The following SRGAP3 variants were observed in gnomAD, a reference collection of about 807,000 sequenced individuals.
The protein encoded by SRGAP3 is SLIT-ROBO Rho GTPase-activating protein 3.
A neutral mutation model predicts 121.1 loss-of-function variants in SRGAP3; 39 were observed. The ratio of observed to expected loss-of-function variants is 0.32; its 90% CI spans 0.25 to 0.42. SRGAP3 has a LOEUF of 0.42. SRGAP3 is among the 10% of genes least tolerant of loss of function. The pLI is 1.00. For synonymous variants in SRGAP3, 601 were observed against 570.0 expected, an observed-to-expected ratio of 1.05 and a Z score of -0.77; for missense variants, 1,213 against 1,470.6, an observed-to-expected ratio of 0.82 and a Z score of 2.86.
chr3:9,124,981 CT>C, intron 1 of SRGAP3, 64 bp from the exon 2 acceptor site: 1 of 1,587,060 alleles, frequency 6.3e-7, no homozygotes, highest in Non-Finnish European at 8.6e-7. Flanking sequence ...GGGGCCCGCT[CT>C]GCTGCTGGCC....
rs563414214 is a variant in SRGAP3 at position 8,999,761 on chromosome 3, G to A, written c.2228-5238C>T. Among the ~76,000 whole-genome samples the A allele has an allele frequency of 1.1e-4, 16 of 152,178 alleles. No individual in the cohort carries two copies. The South Asian group carries it at 2.5e-3, about 24-fold the overall frequency. On this transcript the variant is annotated intron_variant, in intron 18 of 21. Transcript: ENST00000383836. ...GACCTTGGGTTCTTTCTTTGCATTC[G>A]GTGGTGGCACCAGCTGATATTGAGA...
rs763242430 is a variant in SRGAP3, at chr3:9,026,939, T to C, written c.1596A>G (p.Leu532=). ...VVESCIRYIN[L]YGLQQQGIFR... is the part of the protein sequence containing the mutation. Reference sequence around the variant, plus strand: ...CTGGCCCAAGATCCAGCTTACCATATAAATTGATGTAACGGATGCAGCTCT... The same window carrying C: ...CTGGCCCAAGATCCAGCTTACCATACAAATTGATGTAACGGATGCAGCTCT... The change falls in exon 13 of 22, where the codon TTA becomes TTG. Residue 532 remains leucine (L), a synonymous_variant. Transcript: ENST00000383836. The C allele has an allele frequency of 5.0e-6, 8 of 1,614,080 alleles. No homozygotes were observed. The highest frequency in any genetic ancestry group is 6.8e-6 in the Non-Finnish European group (8 of 1,180,032).
rs749537418 is a variant in SRGAP3, at chr3:9,104,670, A to G, written c.423+10T>C. 6.2e-7 allele frequency: 1 copy of G among 1,613,962 alleles called. No individual in the cohort carries two copies. The highest frequency in any genetic ancestry group is 1.3e-5 in the African/African-American group (1 of 74,938). ...AGACCTGGGACACGTAGAGCAGCCCACTTGCCTACCTTTTTGAAGAGTCTG... is the reference window on the plus strand; with the variant it reads ...AGACCTGGGACACGTAGAGCAGCCCGCTTGCCTACCTTTTTGAAGAGTCTG... On this transcript the variant is annotated intron_variant, in intron 3 of 21. Coordinates refer to ENST00000383836, the MANE Select transcript of SRGAP3 (RefSeq NM_014850.4).
chr3:9,265,295 A>C (rs1380638890), intron 3 of SRGAP3, among the ~76,000 whole-genome samples: 1 of 152,240 alleles, frequency 6.6e-6, no homozygotes, highest in Non-Finnish European at 1.5e-5. Context: ...AGGCAATACT[A>C]TTCAGGACAT....
chr3:9,038,152 A>T, intron 10 of SRGAP3, 62 bp from the exon 11 acceptor site: 4 of 1,606,194 alleles, frequency 2.5e-6, no homozygotes, highest in Non-Finnish European at 3.4e-6. Flanking sequence ...AAGAACATTC[A>T]TCTTTTTCTA....
chr3:9,158,562 A>G (rs960298822), intron 1 of SRGAP3, among the ~76,000 whole-genome samples: 1 of 152,204 alleles, frequency 6.6e-6, no homozygotes, highest in Admixed American at 6.5e-5. Context: ...CCCATGTTCC[A>G]GGTGGGAAAT....
chr3:9,332,057 G>T (rs1440665870), intron 1 of SRGAP3, among the ~76,000 whole-genome samples: 1 of 152,072 alleles, frequency 6.6e-6, no homozygotes, highest in African/African-American at 2.4e-5. Context: ...GCCTATGCTG[G>T]GCCAATGCTA....
chr3:9,052,511 G>A (rs546273760), intron 9 of SRGAP3, among the ~76,000 whole-genome samples: 4 of 152,088 alleles, frequency 2.6e-5, no homozygotes, highest in Non-Finnish European at 5.9e-5. Context: ...AACACATGTT[G>A]AACTAAAGCC....
rs1446255065 is a variant in SRGAP3 at position 9,260,548 on chromosome 3, CGG to C, written n.442+65460_442+65461del. Among the ~76,000 whole-genome samples the C allele has an allele frequency of 7.2e-5, 11 of 152,350 alleles. No individual in the cohort carries two copies. The East Asian group carries it at 1.9e-3, about 27-fold the overall frequency. ...AAGCCACTGGGAAGTTCAAACGATG[CGG>C]AACCCACTGCGGCGTGGCATCGCCA... On this transcript the variant is annotated intron_variant and non_coding_transcript_variant, in intron 3 of 3. Transcript: ENST00000490889.
Position 9,354,665 on chromosome 3 carries a change from G to C in SRGAP3, n.214+8175C>G, listed in dbSNP as rs927438942. 6.6e-5 allele frequency among the ~76,000 whole-genome samples: 9 copies of C among 135,786 alleles called. No homozygotes were observed. In the Admixed American group the frequency reaches 7.4e-4, roughly 11 times the overall value. The allele number at this position is 135,786 out of a possible 152,430, so 89.1% of individuals were successfully genotyped here. A position where few individuals can be genotyped will look rare whatever the true frequency, so the allele number is the denominator to read the frequency against. On this transcript the variant is annotated intron_variant and non_coding_transcript_variant, in intron 1 of 3. Coordinates refer to the SRGAP3 transcript ENST00000490889. ...CCACTGCACTCCAGCCGGGGTGACA[G>C]AGCGAGACTCCATCTCAAAAAAAAA...
intron 3 of SRGAP3, among the ~76,000 whole-genome samples, chr3:9,289,445 G>T (rs1486522054): frequency 6.6e-6 from 1 of 152,134 alleles, no homozygotes; most frequent in African/African-American, 2.4e-5. Context: ...GAAAAGACAA[G>T]TTCTTCTATG....
At chr3:9,060,863 A>C (rs1575002194) in intron 5 of SRGAP3, among the ~76,000 whole-genome samples, 1 of 151,874 alleles carries the variant, frequency 6.6e-6, no homozygotes. Context: ...CTCCCCTTAC[A>C]CCTGCACCTT....
chr3:8,990,954 A>G (rs1333668306), intron 20 of SRGAP3, 115 bp from the exon 21 acceptor site: 2 of 922,818 alleles, frequency 2.2e-6, no homozygotes, highest in African/African-American at 3.3e-5. Context: ...GAGCGGGTAC[A>G]GTAAAGCCTC....
rs36036357 is a variant in SRGAP3, at chr3:9,362,162, C to CTT, written n.214+676_214+677dup. Among the ~76,000 whole-genome samples, 111 of 90,958 alleles carry CTT rather than the reference C, an allele frequency of 1.2e-3. 6 individuals are homozygous for CTT. The highest frequency in any genetic ancestry group is 2.3e-3 in the African/African-American group (49 of 21,022). 59.7% of individuals were successfully genotyped at this position (90,958 alleles called of 152,430 possible). A position where few individuals can be genotyped will look rare whatever the true frequency, so the allele number is the denominator to read the frequency against. On this transcript the variant is annotated intron_variant and non_coding_transcript_variant, in intron 1 of 3. Transcript: ENST00000490889. ...AAATGGCTACCATGCAGGTTCAACT[C>CTT]TTTTTTTTTTTTTTTTTTTTTTTTT... is the stretch of plus-strand genomic sequence containing the variant.
chr3:9,313,550 A>T (rs1468060275), intron 3 of SRGAP3, among the ~76,000 whole-genome samples: 1 of 151,078 alleles, frequency 6.6e-6, no homozygotes, highest in Non-Finnish European at 1.5e-5. Flanking sequence ...AATCAGCCAC[A>T]CCTGTAATCC....
chr3:9,008,675 T>C (rs1943208091), intron 18 of SRGAP3, among the ~76,000 whole-genome samples: 1 of 152,170 alleles, frequency 6.6e-6, no homozygotes. Context: ...ACAAAGCCTC[T>C]GCAGGACACA....
intron 1 of SRGAP3, among the ~76,000 whole-genome samples, chr3:9,234,591 C>T (rs1327387185): frequency 1.3e-5 from 2 of 152,076 alleles, no homozygotes; most frequent in Non-Finnish European, 2.9e-5. Flanking sequence ...AATCTCTCAG[C>T]GAGAACTCTA....
chr3:9,142,778 A>G (rs73811440), intron 1 of SRGAP3, among the ~76,000 whole-genome samples: 4,080 of 148,208 alleles, frequency 0.028, 188 homozygotes, highest in African/African-American at 0.095. Context: ...ATCGAGGTCC[A>G]TTCCAGGACT....
intron 1 of SRGAP3, among the ~76,000 whole-genome samples, chr3:9,173,862 A>C (rs540805314): frequency 2.0e-5 from 3 of 151,920 alleles, no homozygotes; most frequent in Admixed American, 2.0e-4. Flanking sequence ...TCTTAACATT[A>C]CCCCCAGAGC....
Sources: allele counts gnomAD v4.1 joint callset (sites outside exome capture counted in the v4.1 genomes callset), GRCh38; gene constraint gnomAD v4.1.1; transcripts MANE v1.5; gene names NCBI Gene and HGNC (gene_info 2026-07-23, HGNC 2026-07-21).